Variants in FAM184B observed in about 807,000 individuals in gnomAD.
FAM184B encodes family with sequence similarity 184 member B, also known as protein FAM184B.
A neutral mutation model predicts 135.9 loss-of-function variants in FAM184B; 111 were observed. The ratio of observed to expected loss-of-function variants is 0.82; its 90% CI spans 0.70 to 0.96. FAM184B has a LOEUF of 0.96. Among genes scored for constraint, FAM184B ranks in the 40% least tolerant of loss-of-function variants. The pLI is 0.00. For synonymous variants in FAM184B, 552 were observed against 524.8 expected, an observed-to-expected ratio of 1.05 and a Z score of -0.71; for missense variants, 1,375 against 1,323.9, an observed-to-expected ratio of 1.04 and a Z score of -0.60.
intron 1 of FAM184B, among the ~76,000 whole-genome samples, chr4:17,714,365 CCA>C (rs1717362878): frequency 6.6e-6 from 1 of 152,108 alleles, no homozygotes. Context: ...TATGTCCTTT[CCA>C]CAGTTTCTTT....
At chr4:17,649,622 C>T (rs1715555183) in intron 11 of FAM184B, among the ~76,000 whole-genome samples, 1 of 151,534 alleles carries the variant, frequency 6.6e-6, no homozygotes, top group Non-Finnish European at 1.5e-5. Flanking sequence ...ATCTTTCCAG[C>T]AGAATTTTGA....
intron 1 of FAM184B, among the ~76,000 whole-genome samples, chr4:17,777,241 A>G (rs974150621): frequency 6.6e-6 from 1 of 152,224 alleles, no homozygotes; most frequent in African/African-American, 2.4e-5. Context: ...GATGGAAAGA[A>G]TAATTTATTA....
At position 17,759,402 on chromosome 4, in the gene FAM184B, C is replaced by T. The variant is rs377746269; in HGVS notation, c.141+21757G>A. On this transcript the variant is annotated intron_variant, in intron 1 of 17. Coordinates refer to ENST00000265018, the MANE Select transcript of FAM184B (RefSeq NM_015688.2). ...CGATTGAAAGTTTCCTGAGGCCTTG[C>T]CAGCCATGCTTCCAGTACAGCCTGC... is the stretch of plus-strand genomic sequence containing the variant. Among the ~76,000 whole-genome samples, 106 of 152,306 alleles carry T rather than the reference C, an allele frequency of 7.0e-4. 2 individuals are homozygous for T. The South Asian group carries it at 0.022, about 32-fold the overall frequency.
intron 10 of FAM184B, among the ~76,000 whole-genome samples, chr4:17,655,525 C>T (rs1577249077): frequency 6.6e-6 from 1 of 152,148 alleles, no homozygotes; most frequent in Non-Finnish European, 1.5e-5. Context: ...CAGTTTGGGG[C>T]CTCCTGAGGG....
chr4:17,745,433 C>T (rs141178902), intron 1 of FAM184B, among the ~76,000 whole-genome samples: 21 of 152,358 alleles, frequency 1.4e-4, no homozygotes, highest in Middle Eastern at 3.4e-3. Flanking sequence ...ACTAAGTCCG[C>T]GGCCTTAGGT....
chr4:17,765,144 G>A (rs1718631822), intron 1 of FAM184B, among the ~76,000 whole-genome samples: 1 of 152,218 alleles, frequency 6.6e-6, no homozygotes, highest in African/African-American at 2.4e-5. Flanking sequence ...TATTTGGATG[G>A]TGGGAGGAGA....
At chr4:17,720,883 T>TAAAAAAAAAAAAAAAAAAAAAAAA (rs59409749) in intron 1 of FAM184B, among the ~76,000 whole-genome samples, 1 of 100,326 alleles carries the variant, frequency 1.0e-5, no homozygotes, top group Non-Finnish European at 2.0e-5. Flanking sequence ...AGACTTCATC[T>TAAAAAAAAAAAAAAAAAAAAAAAA]AAAAAAAAAA....
chr4:17,637,833 C>T (rs1030639610), intron 14 of FAM184B, among the ~76,000 whole-genome samples: 1 of 152,320 alleles, frequency 6.6e-6, no homozygotes, highest in African/African-American at 2.4e-5. Flanking sequence ...CCTGTTTCTT[C>T]TCAGCAGTCA....
chr4:17,731,251 G>T (rs1024851267), intron 1 of FAM184B, among the ~76,000 whole-genome samples: 6 of 152,068 alleles, frequency 3.9e-5, no homozygotes, highest in Non-Finnish European at 5.9e-5. Flanking sequence ...ATCAAGACAA[G>T]GAAGAAAACT....
intron 1 of FAM184B, among the ~76,000 whole-genome samples, chr4:17,727,883 G>A (rs1247121131): frequency 1.3e-5 from 2 of 152,102 alleles, no homozygotes; most frequent in African/African-American, 4.8e-5. Flanking sequence ...GTGACAAAGG[G>A]TCAAATAAGC....
intron 1 of FAM184B, among the ~76,000 whole-genome samples, chr4:17,747,160 A>G (rs539035308): frequency 6.6e-6 from 1 of 152,158 alleles, no homozygotes; most frequent in African/African-American, 2.4e-5. Flanking sequence ...ATAGGAAGTC[A>G]CTGATGCTGC....
chr4:17,750,934 A>T (rs1009554442), intron 1 of FAM184B, among the ~76,000 whole-genome samples: 1 of 152,138 alleles, frequency 6.6e-6, no homozygotes, highest in East Asian at 1.9e-4. Flanking sequence ...TGGTTAGGAC[A>T]TGGAACTCAG....
intron 1 of FAM184B, among the ~76,000 whole-genome samples, chr4:17,774,548 C>G (rs1336452885): frequency 1.3e-5 from 2 of 152,186 alleles, no homozygotes; most frequent in South Asian, 4.1e-4. Context: ...GATCTAGAAC[C>G]TCTTCTTCCA....
At chr4:17,776,965 T>C (rs1388461172) in intron 1 of FAM184B, among the ~76,000 whole-genome samples, 2 of 152,162 alleles carry the variant, frequency 1.3e-5, no homozygotes, top group East Asian at 3.9e-4. Context: ...CAAAACAATT[T>C]GGCAATTTCT....
rs1182240695 is a variant in FAM184B at position 17,746,674 on chromosome 4, G to A, written c.141+34485C>T. Among the ~76,000 whole-genome samples the A allele has an allele frequency of 2.0e-5, 3 of 151,246 alleles. No individual in the cohort carries two copies. The East Asian group carries it at 5.9e-4, about 30-fold the overall frequency. Reference sequence around the variant, plus strand: ...GTGGACTCGGGAGGTGGAGCTTGCAGTGAGCTGAGATCGTGCCACTGCACT... The same window carrying A: ...GTGGACTCGGGAGGTGGAGCTTGCAATGAGCTGAGATCGTGCCACTGCACT... On this transcript the variant is annotated intron_variant, in intron 1 of 17. Coordinates refer to ENST00000265018, the MANE Select transcript of FAM184B (RefSeq NM_015688.2).
intron 1 of FAM184B, among the ~76,000 whole-genome samples, chr4:17,747,127 C>T (rs1026387864): frequency 4.6e-5 from 7 of 151,504 alleles, no homozygotes; most frequent in Admixed American, 2.6e-4. Context: ...TTCCTGGGTA[C>T]GTATAATGTG....
intron 1 of FAM184B, among the ~76,000 whole-genome samples, chr4:17,745,394 G>A (rs1488159205): frequency 6.6e-6 from 1 of 152,130 alleles, no homozygotes; most frequent in Non-Finnish European, 1.5e-5. Flanking sequence ...ATTTCCCCCT[G>A]CCGCTTACCA....
In FAM184B at chr4:17,633,989, GAGA is replaced by G. The variant is rs914378209; in HGVS notation, c.2890-104_2890-102del. On this transcript the variant is annotated intron_variant, in intron 16 of 17. Transcript: ENST00000265018. ...TGCTCACCCAATCAAAATTGTATCGGAGAAGAAGCAACAATTTCATTTATACAC... is the reference window on the plus strand; with the variant it reads ...TGCTCACCCAATCAAAATTGTATCGGAGAAGCAACAATTTCATTTATACAC... 9.3e-5 allele frequency: 87 copies of G among 930,760 alleles called. No homozygotes were observed. The African/African-American group carries it at 1.3e-3, about 14-fold the overall frequency. 57.7% of individuals were successfully genotyped at this position (930,760 alleles called of 1,614,324 possible).
chr4:17,770,564 A>G (rs1718797669), intron 1 of FAM184B, among the ~76,000 whole-genome samples: 1 of 152,128 alleles, frequency 6.6e-6, no homozygotes, highest in Admixed American at 6.6e-5. Flanking sequence ...CCCGGGTTCA[A>G]GTGATTCTCC....
Sources: gnomAD v4.1 joint callset for allele counts (sites outside exome capture counted in the v4.1 genomes callset) on GRCh38, gnomAD v4.1.1 for gene constraint, MANE v1.5 for transcripts, NCBI Gene and HGNC (gene_info 2026-07-23, HGNC 2026-07-21) for gene names.